GUCA1C: variants seen among roughly 807,000 people sequenced by gnomAD.
GUCA1C encodes the protein guanylyl cyclase-activating protein 3.
GUCA1C carries 15 observed loss-of-function variants against 16.2 expected under a neutral mutation model. The ratio of observed to expected loss-of-function variants is 0.93; its 90% CI spans 0.62 to 1.43. The LOEUF (loss-of-function observed/expected upper bound fraction) is 1.43. GUCA1C is among the 40% of genes most tolerant of loss of function. The probability of loss-of-function intolerance (pLI) is 0.00; values close to 1 mark genes in which losing one functional copy is unlikely to be tolerated. For missense variants in GUCA1C, 275 were observed against 244.8 expected (o/e 1.12, Z -0.82); for synonymous variants, 78 against 85.4 (o/e 0.91, Z 0.48).
rs530916406 is a variant in GUCA1C, at chr3:108,942,539, C to A, written c.204+11020G>T. Among the ~76,000 whole-genome samples the A allele has an allele frequency of 2.0e-5, 3 of 152,304 alleles. No individual in the cohort carries two copies. The East Asian group carries it at 5.8e-4, about 29-fold the overall frequency. On this transcript the variant is annotated intron_variant, in intron 1 of 3. Transcript: ENST00000261047. Reference sequence around the variant, plus strand: ...CTACCTATTCACACACCCCTAGCCCCACACAACCCTAATATTTGAATGTAA... The same window carrying A: ...CTACCTATTCACACACCCCTAGCCCAACACAACCCTAATATTTGAATGTAA...
intron 1 of GUCA1C, among the ~76,000 whole-genome samples, chr3:108,934,957 G>A (rs532587391): frequency 8.3e-4 from 126 of 151,920 alleles, no homozygotes; most frequent in Non-Finnish European, 1.5e-3. Context: ...GGGACTACAG[G>A]CGCCCGCCAC....
At chr3:108,933,122 C>G (rs1946687440) in intron 1 of GUCA1C, among the ~76,000 whole-genome samples, 1 of 152,120 alleles carries the variant, frequency 6.6e-6, no homozygotes, top group African/African-American at 2.4e-5. Context: ...ACTGCCAGCC[C>G]TAGCATGAGA....
intron 1 of GUCA1C, among the ~76,000 whole-genome samples, chr3:108,931,124 G>T (rs572749464): frequency 1.3e-5 from 2 of 152,238 alleles, no homozygotes; most frequent in African/African-American, 4.8e-5. Flanking sequence ...CTCCCTGCAA[G>T]CCTGGCTTGT....
rs190009036 is a variant in GUCA1C at position 108,930,902 on chromosome 3, C to T, written c.205-10317G>A. Among the ~76,000 whole-genome samples, 9 of 152,208 alleles carry T rather than the reference C, an allele frequency of 5.9e-5. No homozygotes were observed. The East Asian group carries it at 1.2e-3, about 20-fold the overall frequency. ...GGTTGAAATTTATTTAAGATGACAA[C>T]GAGGTATCATATCTCCAGATTGAGC... On this transcript the variant is annotated intron_variant, in intron 1 of 3. Transcript: ENST00000261047.
At chr3:108,917,808 G>A (rs1946532320) in intron 2 of GUCA1C, among the ~76,000 whole-genome samples, 2 of 152,176 alleles carry the variant, frequency 1.3e-5, no homozygotes, top group Non-Finnish European at 2.9e-5. Flanking sequence ...CACTTTGGGA[G>A]GCTGAGGTGG....
chr3:108,912,711 CAAAA>C (rs10664351), intron 3 of GUCA1C, among the ~76,000 whole-genome samples: 26 of 143,534 alleles, frequency 1.8e-4, no homozygotes, highest in African/African-American at 6.6e-4. Context: ...TTGTTAATTT[CAAAA>C]AAAAAAAAAA....
intron 2 of GUCA1C, among the ~76,000 whole-genome samples, chr3:108,920,057 A>C (rs1175106070): frequency 6.6e-6 from 1 of 152,192 alleles, no homozygotes; most frequent in African/African-American, 2.4e-5. Flanking sequence ...TAGTCCTCAC[A>C]TACCTTCATT....
intron 2 of GUCA1C, among the ~76,000 whole-genome samples, chr3:108,918,660 T>C (rs979688567): frequency 8.5e-5 from 13 of 152,200 alleles, no homozygotes; most frequent in Admixed American, 8.5e-4. Context: ...AACTATCTCC[T>C]TTGTAGAGCC....
chr3:108,929,762 G>A (rs969791834), intron 1 of GUCA1C, among the ~76,000 whole-genome samples: 1 of 152,110 alleles, frequency 6.6e-6, no homozygotes, highest in Non-Finnish European at 1.5e-5. Context: ...CTCTTCTGAA[G>A]ACAAAGTACC....
intron 1 of GUCA1C, among the ~76,000 whole-genome samples, chr3:108,922,587 A>G (rs1337651338): frequency 6.6e-6 from 1 of 152,058 alleles, no homozygotes; most frequent in Non-Finnish European, 1.5e-5. Flanking sequence ...TTCCCTGATA[A>G]TTAGTTATTT....
intron 1 of GUCA1C, among the ~76,000 whole-genome samples, chr3:108,930,113 G>A (rs534893140): frequency 6.6e-6 from 1 of 152,310 alleles, no homozygotes; most frequent in South Asian, 2.1e-4. Context: ...AGGAAAGGTG[G>A]CCAGCTCTAG....
At chr3:108,908,318 C>G (rs192377540) in intron 3 of GUCA1C, 109 bp from the exon 4 acceptor site, 5 of 465,718 alleles carry the variant, frequency 1.1e-5, no homozygotes, top group Non-Finnish European at 1.8e-5. Flanking sequence ...CCTTTCCCCT[C>G]AACCAGACTC....
intron 1 of GUCA1C, among the ~76,000 whole-genome samples, chr3:108,936,040 G>A (rs1946724304): frequency 6.6e-6 from 1 of 152,018 alleles, no homozygotes; most frequent in South Asian, 2.1e-4. Flanking sequence ...TAAGACAGGT[G>A]AATCGCTTGA....
chr3:108,943,302 C>A (rs1946806858), intron 1 of GUCA1C, among the ~76,000 whole-genome samples: 1 of 152,050 alleles, frequency 6.6e-6, no homozygotes, highest in Non-Finnish European at 1.5e-5. Context: ...CCACGTTTGG[C>A]AATTGTAAGA....
chr3:108,925,317 T>G (rs1233873279), intron 1 of GUCA1C, among the ~76,000 whole-genome samples: 1 of 152,190 alleles, frequency 6.6e-6, no homozygotes, highest in Non-Finnish European at 1.5e-5. Flanking sequence ...TTTGATAGCT[T>G]GTGTCACTAT....
At chr3:108,941,063 T>TAA (rs35127033) in intron 1 of GUCA1C, among the ~76,000 whole-genome samples, 44 of 150,286 alleles carry the variant, frequency 2.9e-4, no homozygotes, top group Admixed American at 4.0e-4. Flanking sequence ...GGGGCTCATT[T>TAA]AAAAAAAAAA....
intron 1 of GUCA1C, among the ~76,000 whole-genome samples, chr3:108,949,015 T>C (rs778414137): frequency 1.3e-5 from 2 of 151,954 alleles, no homozygotes; most frequent in Non-Finnish European, 2.9e-5. Flanking sequence ...GCCCGGCTAA[T>C]TTTTGTATTT....
intron 1 of GUCA1C, among the ~76,000 whole-genome samples, chr3:108,935,297 T>C (rs955102547): frequency 2.4e-4 from 36 of 151,468 alleles, no homozygotes; most frequent in South Asian, 1.3e-3. Flanking sequence ...CTCAGCATCA[T>C]GCAAAATACC....
chr3:108,947,280 TAAGTAG>T (rs979330876), intron 1 of GUCA1C, among the ~76,000 whole-genome samples: 8 of 152,184 alleles, frequency 5.3e-5, no homozygotes, highest in African/African-American at 1.9e-4. Flanking sequence ...TACTATTCTT[TAAGTAG>T]AAGTGGATCA....
Sources: gnomAD v4.1 joint callset for allele counts (sites outside exome capture counted in the v4.1 genomes callset) on GRCh38, gnomAD v4.1.1 for gene constraint, MANE v1.5 for transcripts, NCBI Gene and HGNC (gene_info 2026-07-23, HGNC 2026-07-21) for gene names.